Variants in PDE4B observed in about 807,000 individuals in gnomAD.
PDE4B encodes 3',5'-cyclic-AMP phosphodiesterase 4B.
PDE4B carries 20 observed loss-of-function variants against 82.2 expected under a neutral mutation model. That is an observed-to-expected ratio of 0.24 (90% CI 0.17 to 0.35). The LOEUF is 0.35. Ranked by LOEUF, PDE4B falls within the 10% of genes least tolerant of loss-of-function variation. The pLI is 1.00. For missense variants in PDE4B, 655 were observed against 907.2 expected, an observed-to-expected ratio of 0.72 and a Z score of 3.57; for synonymous variants, 320 against 318.9, an observed-to-expected ratio of 1.00 and a Z score of -0.04.
chr1:66,154,836 T>G (rs1368573592), intron 3 of PDE4B, among the ~76,000 whole-genome samples: 2 of 152,188 alleles, frequency 1.3e-5, no homozygotes, highest in Non-Finnish European at 2.9e-5. Context: ...TCCAAGCCCC[T>G]TGTGGTTGCA....
At chr1:65,885,407 C>A (rs1395393647) in intron 1 of PDE4B, among the ~76,000 whole-genome samples, 1 of 152,140 alleles carries the variant, frequency 6.6e-6, no homozygotes, top group Non-Finnish European at 1.5e-5. Flanking sequence ...AAGACACATG[C>A]ACACGTATGT....
At chr1:66,124,568 A>G (rs977360432) in intron 3 of PDE4B, among the ~76,000 whole-genome samples, 2 of 152,180 alleles carry the variant, frequency 1.3e-5, no homozygotes, top group Non-Finnish European at 2.9e-5. Flanking sequence ...TACTTTTGCT[A>G]TGACCATGTG....
At chr1:66,067,654 T>C (rs545756045) in intron 3 of PDE4B, among the ~76,000 whole-genome samples, 1 of 152,224 alleles carries the variant, frequency 6.6e-6, no homozygotes, top group African/African-American at 2.4e-5. Context: ...TTCACTCTGA[T>C]GGTAGTTTCT....
rs571457501 is a variant in PDE4B, at chr1:66,172,681, T to C, written c.282-74779T>C. Among the ~76,000 whole-genome samples the C allele has an allele frequency of 3.0e-4, 46 of 152,346 alleles. 1 individual carries two copies. The highest frequency in any genetic ancestry group is 6.3e-4 in the Non-Finnish European group (43 of 68,028). On this transcript the variant is annotated intron_variant, in intron 3 of 16. Transcript: ENST00000341517. ...GATGGTAGCTCATCATAGTTTTTGT[T>C]TGCATTTTTCTGATGATTAGTGATG...
chr1:66,357,650 T>C (rs1040994159), intron 9 of PDE4B, among the ~76,000 whole-genome samples: 1 of 152,044 alleles, frequency 6.6e-6, no homozygotes, highest in Admixed American at 6.6e-5. Flanking sequence ...GGGTGGTGTG[T>C]GTCAGTGGGT....
At chr1:66,219,162 A>C (rs1044465752) in intron 3 of PDE4B, among the ~76,000 whole-genome samples, 3 of 152,114 alleles carry the variant, frequency 2.0e-5, no homozygotes, top group Non-Finnish European at 4.4e-5. Context: ...TAAGTAACTC[A>C]AAATTTTTCT....
intron 1 of PDE4B, among the ~76,000 whole-genome samples, chr1:65,848,322 T>G (rs1646290372): frequency 6.6e-6 from 1 of 151,946 alleles, no homozygotes; most frequent in Non-Finnish European, 1.5e-5. Context: ...TGTGTGTGTG[T>G]TTTAGTAGAG....
chr1:66,148,669 C>T (rs965016013), intron 3 of PDE4B, among the ~76,000 whole-genome samples: 5 of 152,160 alleles, frequency 3.3e-5, no homozygotes, highest in South Asian at 2.1e-4. Context: ...TCTCTACTAC[C>T]ACCATCCTTA....
chr1:66,258,206 A>G (rs1205611632), intron 6 of PDE4B, among the ~76,000 whole-genome samples: 2 of 152,226 alleles, frequency 1.3e-5, no homozygotes, highest in Non-Finnish European at 2.9e-5. Flanking sequence ...TTCTTTTTGA[A>G]TAAGTTATTA....
intron 1 of PDE4B, among the ~76,000 whole-genome samples, chr1:65,887,336 TCA>T: frequency 1.0e-5 from 1 of 99,176 alleles, no homozygotes; most frequent in African/African-American, 4.1e-5. Context: ...TTCTTTTCTT[TCA>T]TTTTCTTTCT....
chr1:65,981,478 G>A (rs550464309), intron 3 of PDE4B, among the ~76,000 whole-genome samples: 4 of 151,504 alleles, frequency 2.6e-5, no homozygotes, highest in African/African-American at 9.7e-5. Context: ...AACTTAATTG[G>A]AGTTAATAGG....
At chr1:65,993,196 C>A in intron 3 of PDE4B, 1 of 1,311,240 alleles carries the variant, frequency 7.6e-7, no homozygotes, top group Non-Finnish European at 1.1e-6. Context: ...CGCATTAGCA[C>A]CAGTGATCTA....
intron 3 of PDE4B, among the ~76,000 whole-genome samples, chr1:66,207,679 A>G (rs1294743845): frequency 1.3e-5 from 2 of 152,208 alleles, no homozygotes; most frequent in African/African-American, 4.8e-5. Context: ...TCTAGGATGT[A>G]GTCCCAGTCG....
chr1:66,088,580 C>T (rs1458103446), intron 3 of PDE4B, among the ~76,000 whole-genome samples: 2 of 151,096 alleles, frequency 1.3e-5, no homozygotes, highest in African/African-American at 4.9e-5. Flanking sequence ...TCAGATCTAC[C>T]CTATGCTATA....
intron 3 of PDE4B, among the ~76,000 whole-genome samples, chr1:66,103,428 G>C (rs1410899060): frequency 6.6e-6 from 1 of 151,954 alleles, no homozygotes; most frequent in Non-Finnish European, 1.5e-5. Flanking sequence ...TTTGATATGA[G>C]GCCAGCATAT....
intron 3 of PDE4B, among the ~76,000 whole-genome samples, chr1:65,997,416 A>G (rs1651610244): frequency 6.6e-6 from 1 of 152,184 alleles, no homozygotes; most frequent in African/African-American, 2.4e-5. Flanking sequence ...TTTAAAAGCC[A>G]TAGTTAGTAC....
chr1:65,823,834 T>G (rs1215473016), intron 1 of PDE4B, among the ~76,000 whole-genome samples: 1 of 152,214 alleles, frequency 6.6e-6, no homozygotes. Flanking sequence ...ATATGAACAC[T>G]ATAGTTTCTT....
chr1:65,891,555 C>T (rs529912550), intron 1 of PDE4B, among the ~76,000 whole-genome samples: 3 of 152,106 alleles, frequency 2.0e-5, no homozygotes, highest in East Asian at 1.9e-4. Flanking sequence ...TGTAGTCAAG[C>T]TCATTGTTAC....
At chr1:66,354,884 G>A in intron 8 of PDE4B, 1 of 1,535,600 alleles carries the variant, frequency 6.5e-7, no homozygotes, top group Non-Finnish European at 8.7e-7. Context: ...GTATCTTGGG[G>A]TTACATCAAG....
Sources: allele counts gnomAD v4.1 joint callset (sites outside exome capture counted in the v4.1 genomes callset), GRCh38; gene constraint gnomAD v4.1.1; transcripts MANE v1.5; gene names NCBI Gene and HGNC (gene_info 2026-07-23, HGNC 2026-07-21).